The following CERCAM variants were observed in gnomAD, a reference collection of about 807,000 sequenced individuals.
The protein encoded by CERCAM is inactive glycosyltransferase 25 family member 3.
Under a neutral mutation model 66.0 loss-of-function variants are expected in CERCAM, and 59 were observed. That is an observed-to-expected ratio of 0.89 (90% CI 0.73 to 1.11). The LOEUF is 1.11. Among genes scored for constraint, CERCAM ranks in the 50% most tolerant of loss-of-function variants. CERCAM has a pLI of 0.00. For synonymous variants in CERCAM, 318 were observed against 343.6 expected (o/e 0.93, Z 0.83); for missense variants, 840 against 828.3 (o/e 1.01, Z -0.17).
intron 9 of CERCAM, among the ~76,000 whole-genome samples, chr9:128,432,362 G>A (rs1251230790): frequency 6.7e-6 from 1 of 150,046 alleles, no homozygotes; most frequent in African/African-American, 2.5e-5. Flanking sequence ...ACAAATTGGA[G>A]GATGACATGG....
At chr9:128,433,682 G>C (rs1200918854) in intron 9 of CERCAM, among the ~76,000 whole-genome samples, 1 of 152,164 alleles carries the variant, frequency 6.6e-6, no homozygotes, top group Non-Finnish European at 1.5e-5. Context: ...TGACAAGCTG[G>C]GCCCTGGTGT....
Position 128,422,873 on chromosome 9 carries a change from C to T in CERCAM, c.203C>T (p.Ala68Val). Residue 68 changes from alanine to valine, a missense_variant, in exon 2 of 13, where the codon GCC becomes GTC. By Grantham distance (64) the Ala-to-Val change is moderately conservative (BLOSUM62 0). Coordinates refer to ENST00000372838, the MANE Select transcript of CERCAM (RefSeq NM_016174.5). ...YPRARMALWC[A>V]TDHNVDNTTE... ...TTTTTTCTTCCCGTCCCCAGGTGTG[C>T]CACGGACCACAATGTGGACAACACC... 6.2e-7 allele frequency: 1 copy of T among 1,613,962 alleles called. No homozygotes were observed. The highest frequency in any genetic ancestry group is 1.1e-5 in the South Asian group (1 of 91,076).
chr9:128,433,278 CAAA>C (rs758064235), intron 9 of CERCAM, among the ~76,000 whole-genome samples: 16 of 70,626 alleles, frequency 2.3e-4, no homozygotes, highest in African/African-American at 3.8e-4. Context: ...AACTCCGTCT[CAAA>C]AAAAAAAAAA....
intron 5 of CERCAM, 121 bp downstream of exon 5, chr9:128,424,735 A>G (rs1833800187): frequency 8.0e-6 from 7 of 880,224 alleles, no homozygotes; most frequent in Middle Eastern, 2.7e-4. Context: ...ATGAGTTACA[A>G]CTTTGGGTCA....
upstream of CERCAM, chr9:128,419,878 T>TTTTTC (rs1380874323): frequency 6.6e-6 from 1 of 152,036 alleles, no homozygotes; most frequent in Non-Finnish European, 1.5e-5. Context: ...TCTTTTTTTT[T>TTTTTC]TTTTCTTTTT....
intron 9 of CERCAM, chr9:128,431,528 G>A: frequency 1.8e-6 from 1 of 551,504 alleles, no homozygotes; most frequent in Non-Finnish European, 3.2e-6. Context: ...GAGATATTCT[G>A]CTCTGAGAAC....
chr9:128,420,806 C>CAGGATGG, upstream of CERCAM: 1 of 700,388 alleles, frequency 1.4e-6, no homozygotes, highest in Non-Finnish European at 1.9e-6. The surrounding 1 kb of genome is among the most constrained non-coding windows in gnomAD (Gnocchi z 5.0). Flanking sequence ...CCGCCCGGGC[C>CAGGATGG]CCAGGCCCCG....
Position 128,428,327 on chromosome 9 carries a change from G to A in CERCAM, c.792G>A (p.Glu264=), listed in dbSNP as rs1418298011. 4 of 1,614,110 alleles carry A rather than the reference G, an allele frequency of 2.5e-6. No individual in the cohort carries two copies. The East Asian group carries it at 8.9e-5, about 36-fold the overall frequency. ...GGGTCTCCGTCCACGTGTGCAATGA[G>A]CACCGTTATGGGTACATGAATGTGC... The part of the protein sequence containing the change: ...AAGVSVHVCN[E]HRYGYMNVPV... Residue 264 remains glutamate (E), a synonymous_variant, in exon 6 of 13, where the codon GAG becomes GAA. Coordinates refer to ENST00000372838, the MANE Select transcript of CERCAM (RefSeq NM_016174.5).
At chr9:128,426,938 A>G (rs529549847) in intron 5 of CERCAM, among the ~76,000 whole-genome samples, 4 of 152,210 alleles carry the variant, frequency 2.6e-5, no homozygotes, top group Admixed American at 6.6e-5. Flanking sequence ...GGAAAACACA[A>G]GAGGAAACAA....
At chr9:128,427,698 G>A (rs1218877657) in intron 5 of CERCAM, 1 of 152,030 alleles carries the variant, frequency 6.6e-6, no homozygotes, top group Non-Finnish European at 1.5e-5. Context: ...CTGGGAGACA[G>A]AGGTTGTAAT....
At chr9:128,421,251 T>C (rs1833703265) in intron 1 of CERCAM, 177 bp downstream of exon 1, 1 of 1,235,824 alleles carries the variant, frequency 8.1e-7, no homozygotes, top group Non-Finnish European at 1.0e-6. Flanking sequence ...AGCCCCCTGC[T>C]GGGAGACGAC....
chr9:128,421,266 C>A (rs1237198025), intron 1 of CERCAM, 192 bp downstream of exon 1: 4 of 1,233,284 alleles, frequency 3.2e-6, no homozygotes, highest in Non-Finnish European at 4.0e-6. Flanking sequence ...GACGACAGAC[C>A]TCTGAGGCCA....
chr9:128,422,617 A>G, intron 1 of CERCAM: 1 of 483,894 alleles, frequency 2.1e-6, no homozygotes, highest in Non-Finnish European at 3.7e-6. Context: ...CATAAGCAGG[A>G]CAGCTTAAGT....
At chr9:128,424,758 TC>T in intron 5 of CERCAM, 144 bp downstream of exon 5, 1 of 700,864 alleles carries the variant, frequency 1.4e-6, no homozygotes, top group East Asian at 2.7e-5. Flanking sequence ...AGTTTTCTTT[TC>T]TCTCTCTTTT....
At chr9:128,435,505 A>G (rs1425189775) in intron 11 of CERCAM, 148 bp from the exon 12 acceptor site, 1 of 735,788 alleles carries the variant, frequency 1.4e-6, no homozygotes, top group African/African-American at 1.8e-5. Context: ...TGGAGGTAGT[A>G]GAAGTCCCAC....
In CERCAM at chr9:128,434,428, G is replaced by C. The variant is rs762924138; in HGVS notation, c.1350G>C (p.Gln450His). ...CTTACAGCTACCTCGGACGGAAGCA[G>C]GTGAACCCTGAGAAGGAGACGGCCG... ...SWDLIYLGRKQVNPEKETAVE... is the reference protein window; with the variant it reads ...SWDLIYLGRKHVNPEKETAVE... The change falls in exon 11 of 13, where the codon CAG becomes CAC. Residue 450 changes from glutamine to histidine, a missense_variant. By Grantham distance (24) the Gln-to-His change is conservative. Transcript: ENST00000372838. This position sits in a 1 kb window ranked among gnomAD's most constrained non-coding sequence, Gnocchi z 4.5. 1.1e-5 allele frequency: 17 copies of C among 1,613,892 alleles called. No homozygotes were observed. The highest frequency in any genetic ancestry group is 1.7e-6 in the Non-Finnish European group (2 of 1,180,026).
At position 128,424,274 on chromosome 9, in the gene CERCAM, TG is replaced by T; in HGVS notation, c.561+3del. ...TTCTGGTGTGGGATCACCCCCCAGG[TG>T]AGGCCGGGATGGGGGCCTTGGGTGG... On this transcript the variant is annotated splice_donor_region_variant and intron_variant, in intron 4 of 12. Coordinates refer to ENST00000372838, the MANE Select transcript of CERCAM (RefSeq NM_016174.5). 1 of 1,613,820 alleles carries T rather than the reference TG, an allele frequency of 6.2e-7. No individual in the cohort carries two copies. Among genetic ancestry groups the T allele is most frequent in the Non-Finnish European group, 8.5e-7 (1 of 1,179,886 alleles).
intron 8 of CERCAM, 94 bp downstream of exon 8, chr9:128,429,130 A>T: frequency 1.1e-6 from 1 of 887,552 alleles, no homozygotes; most frequent in Admixed American, 2.7e-5. Flanking sequence ...AGACAGGTTG[A>T]ATGAGTTTCC....
At chr9:128,420,630 G>T, upstream of CERCAM, 1 of 211,844 alleles carries the variant, frequency 4.7e-6, no homozygotes, top group Non-Finnish European at 9.3e-6. This position sits in a 1 kb window ranked among gnomAD's most constrained non-coding sequence, Gnocchi z 5.0. Flanking sequence ...CCGGGGTCCA[G>T]CCGGGCGGGG....
Sources: gnomAD v4.1 joint callset for allele counts (sites outside exome capture counted in the v4.1 genomes callset) on GRCh38, gnomAD v4.1.1 for gene constraint, Gnocchi (gnomAD v3.1) non-coding constraint, MANE v1.5 for transcripts, NCBI Gene and HGNC (gene_info 2026-07-23, HGNC 2026-07-21) for gene names.